TAMM41: variants seen among roughly 807,000 people sequenced by gnomAD.
The protein encoded by TAMM41 is TAM41 mitochondrial translocator assembly and maintenance homolog.
Under a neutral mutation model 44.1 loss-of-function variants are expected in TAMM41, and 36 were observed. That is an observed-to-expected ratio of 0.82 (90% CI 0.63 to 1.08). The LOEUF (loss-of-function observed/expected upper bound fraction) is 1.08, where lower values mean the gene tolerates loss of function less well. TAMM41 is among the 50% of genes least tolerant of loss of function. The pLI, the probability that TAMM41 is intolerant of heterozygous loss-of-function variation, is 0.00. For synonymous variants in TAMM41, 164 were observed against 153.1 expected (o/e 1.07, Z -0.53); for missense variants, 417 against 404.3 (o/e 1.03, Z -0.27).
At chr3:11,725,454 C>CCTCCTCCTCCT in the TAMM41 span, among the ~76,000 whole-genome samples, 175 of 137,814 alleles carry the variant, frequency 1.3e-3, 2 homozygotes, top group African/African-American at 4.5e-3. Flanking sequence ...TCCTCCTCCT[C>CCTCCTCCTCCT]CTTCTTCTTC....
At chr3:11,754,213 T>A in the TAMM41 span, among the ~76,000 whole-genome samples, 1 of 152,226 alleles carries the variant, frequency 6.6e-6, no homozygotes, top group Admixed American at 6.5e-5. Context: ...CAAAGCCACC[T>A]AGCATCATCT....
At chr3:11,745,040 T>C in the TAMM41 span, among the ~76,000 whole-genome samples, 1,773 of 152,236 alleles carry the variant, frequency 0.012, 41 homozygotes, top group African/African-American at 0.04. Flanking sequence ...ATTTTGTATT[T>C]TTAGTAGAGA....
chr3:11,726,614 C>T, the TAMM41 span, among the ~76,000 whole-genome samples: 1 of 151,980 alleles, frequency 6.6e-6, no homozygotes, highest in African/African-American at 2.4e-5. Context: ...CCAGCCTGGG[C>T]CAACATGGTG....
At chr3:11,732,168 A>C in the TAMM41 span, among the ~76,000 whole-genome samples, 6 of 152,156 alleles carry the variant, frequency 3.9e-5, no homozygotes, top group East Asian at 3.9e-4. Context: ...CACTTGGCCC[A>C]TTAGGGCAAT....
intron 7 of TAMM41, among the ~76,000 whole-genome samples, chr3:11,796,467 T>A (rs1024627881): frequency 6.6e-5 from 10 of 152,176 alleles, no homozygotes; most frequent in Non-Finnish European, 1.5e-4. Flanking sequence ...ACTAAGCGGA[T>A]TCCCGGAATT....
At chr3:11,761,946 C>CAA in the TAMM41 span, among the ~76,000 whole-genome samples, 922 of 74,958 alleles carry the variant, frequency 0.012, 10 homozygotes, top group African/African-American at 0.038. Context: ...GACTCTGTCT[C>CAA]AAAAAAAAAA....
intron 5 of TAMM41, among the ~76,000 whole-genome samples, chr3:11,816,503 C>T (rs1177061047): frequency 2.6e-5 from 4 of 152,120 alleles, no homozygotes; most frequent in African/African-American, 9.7e-5. Flanking sequence ...GTGGCTCATC[C>T]CTATAATCCC....
At chr3:11,809,844 G>C in intron 5 of TAMM41, 162 bp from the exon 6 acceptor site, 1 of 640,802 alleles carries the variant, frequency 1.6e-6, no homozygotes, top group Non-Finnish European at 2.6e-6. Flanking sequence ...AAACTGAATG[G>C]GTAAGTGTTC....
chr3:11,812,340 T>C (rs2078113424), intron 5 of TAMM41, among the ~76,000 whole-genome samples: 1 of 152,178 alleles, frequency 6.6e-6, no homozygotes. Context: ...ATTTTATGTG[T>C]CAACTCAGAG....
At chr3:11,840,550 C>G (rs2079390268) in intron 2 of TAMM41, among the ~76,000 whole-genome samples, 1 of 152,006 alleles carries the variant, frequency 6.6e-6, no homozygotes, top group Non-Finnish European at 1.5e-5. Flanking sequence ...AAACTCTTTA[C>G]AGCAATACCA....
At chr3:11,764,735 G>A in the TAMM41 span, among the ~76,000 whole-genome samples, 5 of 151,442 alleles carry the variant, frequency 3.3e-5, no homozygotes, top group South Asian at 2.1e-4. Context: ...CTTGTGATCC[G>A]CCTGCCTCGG....
At chr3:11,736,897 C>G in the TAMM41 span, among the ~76,000 whole-genome samples, 1 of 152,162 alleles carries the variant, frequency 6.6e-6, no homozygotes, top group Admixed American at 6.5e-5. Flanking sequence ...AAGACACAGG[C>G]TCAGCCAACT....
intron 7 of TAMM41, among the ~76,000 whole-genome samples, chr3:11,790,803 C>T (rs553314036): frequency 6.6e-6 from 1 of 152,198 alleles, no homozygotes; most frequent in Non-Finnish European, 1.5e-5. Context: ...GCTATGGATG[C>T]CAACGGTTCC....
the TAMM41 span, among the ~76,000 whole-genome samples, chr3:11,772,254 T>C: frequency 6.6e-6 from 1 of 150,734 alleles, no homozygotes; most frequent in African/African-American, 2.4e-5. Context: ...TTTTTTTTTT[T>C]GTAGTTTTAG....
chr3:11,740,991 T>A, the TAMM41 span, among the ~76,000 whole-genome samples: 1 of 136,736 alleles, frequency 7.3e-6, no homozygotes, highest in African/African-American at 3.0e-5. Flanking sequence ...GAGGCTGAGG[T>A]GGATGGATTA....
chr3:11,722,798 G>A, the TAMM41 span, among the ~76,000 whole-genome samples: 7 of 152,158 alleles, frequency 4.6e-5, no homozygotes, highest in East Asian at 9.7e-4. Flanking sequence ...GTGAAACCCC[G>A]TCTCTACTAA....
chr3:11,767,120 G>C, the TAMM41 span, among the ~76,000 whole-genome samples: 5 of 152,142 alleles, frequency 3.3e-5, no homozygotes, highest in Non-Finnish European at 5.9e-5. Flanking sequence ...CCAGGCTGGA[G>C]TGCAGTGGCA....
rs2078225345 is a variant in TAMM41 at position 11,814,938 on chromosome 3, A to T, written c.708+2254T>A. ...GGGATTACGCCTCTGCACTCTAGCCAGGGCAACTGAGCAAGGCCCTGTCAA... is the reference window on the plus strand; with the variant it reads ...GGGATTACGCCTCTGCACTCTAGCCTGGGCAACTGAGCAAGGCCCTGTCAA... On this transcript the variant is annotated intron_variant, in intron 5 of 7. Transcript: ENST00000455809. 2.6e-5 allele frequency among the ~76,000 whole-genome samples: 4 copies of T among 152,174 alleles called. No individual in the cohort carries two copies. The South Asian group carries it at 8.3e-4, about 31-fold the overall frequency.
intron 6 of TAMM41, chr3:11,809,084 A>C (rs968686905): frequency 1.3e-5 from 3 of 232,154 alleles, no homozygotes; most frequent in African/African-American, 7.1e-5. Flanking sequence ...AACGTGGGCC[A>C]TGTCTGAGGG....
Sources: allele counts gnomAD v4.1 joint callset (sites outside exome capture counted in the v4.1 genomes callset), GRCh38; gene constraint gnomAD v4.1.1; transcripts MANE v1.5; gene names NCBI Gene and HGNC (gene_info 2026-07-23, HGNC 2026-07-21).